Variants in NTRK3 observed in about 807,000 individuals in gnomAD.
The protein encoded by NTRK3 is neurotrophic receptor tyrosine kinase 3.
NTRK3 carries 24 observed loss-of-function variants against 91.7 expected under a neutral mutation model. The ratio of observed to expected loss-of-function variants is 0.26; its 90% CI spans 0.19 to 0.37. The LOEUF (loss-of-function observed/expected upper bound fraction) is 0.37. Among genes scored for constraint, NTRK3 ranks in the 10% least tolerant of loss-of-function variants. The probability of loss-of-function intolerance (pLI) is 1.00; values close to 1 mark genes in which losing one functional copy is unlikely to be tolerated. For synonymous variants in NTRK3, 483 were observed against 404.0 expected (o/e 1.20, Z -2.34); for missense variants, 880 against 1,068.9 (o/e 0.82, Z 2.46).
rs556492332 is a variant in NTRK3, at chr15:88,242,187, C to T, written c.248+13719G>A. ...CTGGGGTCACCTTCCAAATAAACTA[C>T]CCACAGCCCAAATCTTCATCTCACA... On this transcript the variant is annotated intron_variant, in intron 3 of 18. Coordinates refer to ENST00000394480, the Ensembl canonical transcript of NTRK3. 3.3e-5 allele frequency among the ~76,000 whole-genome samples: 5 copies of T among 152,284 alleles called. No homozygotes were observed. In the South Asian group the frequency reaches 6.2e-4, roughly 19 times the overall value.
intron 12 of NTRK3, 46 bp from the exon 13 acceptor site, chr15:88,126,419 C>T (rs2151109837): frequency 1.5e-6 from 2 of 1,338,668 alleles, no homozygotes; most frequent in Admixed American, 3.4e-5. Flanking sequence ...CACAGAAAAC[C>T]CAATTTCCTT....
chr15:88,073,410 G>A (rs961215425), intron 13 of NTRK3, among the ~76,000 whole-genome samples: 4 of 152,176 alleles, frequency 2.6e-5, no homozygotes, highest in African/African-American at 9.7e-5. Flanking sequence ...CTCCCAGCTT[G>A]TTACTGATAT....
intron 8 of NTRK3, 120 bp downstream of exon 8, chr15:88,136,347 G>A: frequency 3.1e-6 from 4 of 1,293,308 alleles, no homozygotes; most frequent in East Asian, 2.3e-5. Context: ...GCAGCTGCAT[G>A]TAACCCAAGT....
intron 14 of NTRK3, among the ~76,000 whole-genome samples, chr15:88,004,972 T>G (rs1407253105): frequency 6.6e-6 from 1 of 152,240 alleles, no homozygotes; most frequent in Non-Finnish European, 1.5e-5. Flanking sequence ...AAGTGGTATT[T>G]ATTATTCTCA....
At chr15:88,244,170 A>G (rs146116367) in intron 3 of NTRK3, among the ~76,000 whole-genome samples, 58 of 152,242 alleles carry the variant, frequency 3.8e-4, no homozygotes, top group Middle Eastern at 3.4e-3. Flanking sequence ...GATCTCATAC[A>G]TATCTCCTGG....
At chr15:88,120,174 CAGA>C (rs1260239097) in intron 13 of NTRK3, among the ~76,000 whole-genome samples, 2 of 152,142 alleles carry the variant, frequency 1.3e-5, no homozygotes, top group Non-Finnish European at 2.9e-5. Flanking sequence ...CCGGTGAAAC[CAGA>C]AGGATAACAA....
rs757991457 is a variant in NTRK3 at position 88,135,228 on chromosome 15, G to A, written c.1077C>T (p.Ser359=). 1.6e-5 allele frequency: 26 copies of A among 1,614,096 alleles called. 1 individual carries two copies. Among genetic ancestry groups the A allele is most frequent in the East Asian group, 6.7e-5 (3 of 44,900 alleles). ...GCTTGTTGAAGAGCAGGCAGCCCTC[G>A]GAAATCTCTCCCTCTTGGTAGTATT... Residue 359 remains serine, a synonymous_variant, in exon 10 of 19, where the codon TCC becomes TCT. Transcript: ENST00000394480.
chr15:87,904,787 C>G (rs1196824922), intron 17 of NTRK3, among the ~76,000 whole-genome samples: 1 of 152,206 alleles, frequency 6.6e-6, no homozygotes, highest in Non-Finnish European at 1.5e-5. Flanking sequence ...CATCTTTACC[C>G]TGATTCCCAG....
intron 17 of NTRK3, among the ~76,000 whole-genome samples, chr15:87,895,319 T>A (rs924786211): frequency 1.3e-5 from 2 of 152,182 alleles, no homozygotes; most frequent in Admixed American, 6.5e-5. Context: ...AATATACAGA[T>A]TGAGTCTCTG....
At chr15:88,098,648 T>C (rs970704802) in intron 13 of NTRK3, 1 of 231,166 alleles carries the variant, frequency 4.3e-6, no homozygotes. Context: ...CGTGTTAACA[T>C]CTTTATTAAC....
At chr15:88,117,517 T>C (rs765393875) in intron 13 of NTRK3, among the ~76,000 whole-genome samples, 1 of 152,190 alleles carries the variant, frequency 6.6e-6, no homozygotes, top group Admixed American at 6.5e-5. Flanking sequence ...TCTTAAGCCA[T>C]GATGGATTTT....
intron 14 of NTRK3, among the ~76,000 whole-genome samples, chr15:87,993,171 G>T (rs2075418103): frequency 2.6e-5 from 4 of 152,122 alleles, no homozygotes; most frequent in African/African-American, 9.7e-5. Flanking sequence ...GCTACCCCAG[G>T]GTGCTCAACT....
intron 17 of NTRK3, among the ~76,000 whole-genome samples, chr15:87,883,405 G>GTA (rs559380324): frequency 7.1e-4 from 104 of 147,410 alleles, no homozygotes; most frequent in East Asian, 4.3e-3. Context: ...ATATGTGTGT[G>GTA]TATATATATA....
chr15:88,139,065 T>C (rs926230074), intron 6 of NTRK3, among the ~76,000 whole-genome samples: 17 of 152,204 alleles, frequency 1.1e-4, no homozygotes, highest in Admixed American at 9.2e-4. Context: ...TAATTGGCCA[T>C]GGGCTGAGTG....
intron 13 of NTRK3, among the ~76,000 whole-genome samples, chr15:88,121,771 C>A (rs2052732637): frequency 6.6e-6 from 1 of 152,184 alleles, no homozygotes; most frequent in Admixed American, 6.5e-5. Context: ...GGGCAGTGCC[C>A]AGGACATGCC....
chr15:87,973,641 G>C (rs1596475003), intron 14 of NTRK3, among the ~76,000 whole-genome samples: 2 of 152,242 alleles, frequency 1.3e-5, no homozygotes, highest in Middle Eastern at 3.4e-3. Context: ...ATTAAAGATT[G>C]GCAATGTGGT....
chr15:88,114,019 C>A (rs1172076142), intron 13 of NTRK3, among the ~76,000 whole-genome samples: 1 of 152,086 alleles, frequency 6.6e-6, no homozygotes, highest in Non-Finnish European at 1.5e-5. Flanking sequence ...CCCCCACCAC[C>A]AACAACAACC....
chr15:88,101,508 C>T (rs959604909), intron 13 of NTRK3, among the ~76,000 whole-genome samples: 1 of 152,186 alleles, frequency 6.6e-6, no homozygotes, highest in Non-Finnish European at 1.5e-5. Flanking sequence ...CCAGCCATCC[C>T]ATTACTGGGT....
intron 3 of NTRK3, among the ~76,000 whole-genome samples, chr15:88,222,473 A>G (rs1225548253): frequency 1.3e-5 from 2 of 152,142 alleles, no homozygotes; most frequent in African/African-American, 2.4e-5. Flanking sequence ...CAACAATCAT[A>G]TTTTTTAAAG....
Sources: gnomAD v4.1 joint callset for allele counts (sites outside exome capture counted in the v4.1 genomes callset) on GRCh38, gnomAD v4.1.1 for gene constraint, MANE v1.5 for transcripts, NCBI Gene and HGNC (gene_info 2026-07-23, HGNC 2026-07-21) for gene names.